Variants in RNF44 observed in about 807,000 individuals in gnomAD.
RNF44 encodes ring finger protein 44.
A neutral mutation model predicts 53.6 loss-of-function variants in RNF44; 25 were observed. The observed-to-expected ratio is 0.47, with a 90% CI of 0.34 to 0.65. The LOEUF (loss-of-function observed/expected upper bound fraction) is 0.65, where lower values mean the gene tolerates loss of function less well. RNF44 is among the 30% of genes least tolerant of loss of function. The pLI is 0.01. For synonymous variants in RNF44, 282 were observed against 252.2 expected, an observed-to-expected ratio of 1.12 and a Z score of -1.12; for missense variants, 581 against 595.5, an observed-to-expected ratio of 0.98 and a Z score of 0.25.
At chr5:176,539,361 C>T (rs969590827), upstream of RNF44, among the ~76,000 whole-genome samples, 2 of 152,258 alleles carry the variant, frequency 1.3e-5, no homozygotes, top group African/African-American at 4.8e-5. Context: ...CTCCTTCAAC[C>T]TTTTGTTTTC....
At chr5:176,535,955 G>C (rs1480283878) in intron 1 of RNF44, 2 of 152,308 alleles carry the variant, frequency 1.3e-5, no homozygotes, top group Admixed American at 6.5e-5. Flanking sequence ...CCACCCATGA[G>C]AGCCGGCCAA....
At chr5:176,532,324 G>T (rs780344092) in intron 2 of RNF44, 42 bp downstream of exon 2, 1 of 1,565,040 alleles carries the variant, frequency 6.4e-7, no homozygotes. Flanking sequence ...ACCCCTGCTG[G>T]CCCCCATGCC....
At chr5:176,541,179 G>A (rs1322900352), upstream of RNF44, among the ~76,000 whole-genome samples, 9 of 152,214 alleles carry the variant, frequency 5.9e-5, no homozygotes, top group Non-Finnish European at 5.9e-5. Flanking sequence ...GGCATCTGCT[G>A]TGAGGTTCTA....
the RNF44 span, chr5:176,543,490 C>G: frequency 6.6e-6 from 1 of 152,028 alleles, no homozygotes; most frequent in African/African-American, 2.4e-5. The surrounding 1 kb of genome is among the most constrained non-coding windows in gnomAD (Gnocchi z 4.0). Context: ...CTGCCTGGAC[C>G]GCACCACGCG....
Position 176,530,128 on chromosome 5 carries a change from G to A in RNF44, c.880C>T (p.Pro294Ser). Residue 294 changes from proline (P) to serine (S), a missense_variant, in exon 7 of 11, where the codon CCC becomes TCC. This residue lies in a region of RNF44 where 183 missense variants were observed against 198.6 expected (regional missense o/e 0.92). Transcript: ENST00000274811. ...LQQPLPPPPP[P>S]PPPPPYYPSF... Reference sequence around the variant, plus strand: ...GGGTAGTAGGGTGGTGGGGGTGGGGGTGGGGGCGGCGGGGGCAGTGGCTGC... The same window carrying A: ...GGGTAGTAGGGTGGTGGGGGTGGGGATGGGGGCGGCGGGGGCAGTGGCTGC... 2 of 1,241,014 alleles carry A rather than the reference G, an allele frequency of 1.6e-6. No homozygotes were observed. Among genetic ancestry groups the A allele is most frequent in the Non-Finnish European group, 2.1e-6 (2 of 969,068 alleles). The allele number at this position is 1,241,014 out of a possible 1,614,324, so 76.9% of individuals were successfully genotyped here. A position where few individuals can be genotyped will look rare whatever the true frequency, so the allele number is the denominator to read the frequency against.
chr5:176,541,989 G>A (rs1476068076), upstream of RNF44, among the ~76,000 whole-genome samples: 2 of 152,212 alleles, frequency 1.3e-5, no homozygotes, highest in African/African-American at 2.4e-5. Context: ...ACTCAGGGCT[G>A]GCCTCAACAG....
Position 176,529,001 on chromosome 5 carries a change from T to C in RNF44, c.*27A>G, listed in dbSNP as rs1756297590. On this transcript the variant is annotated 3_prime_UTR_variant, in exon 11 of 11. Coordinates refer to ENST00000274811, the MANE Select transcript of RNF44 (RefSeq NM_014901.5). Reference sequence around the variant, plus strand: ...CAAGTTTCCAGAGCTTCAGGCAGGGTTCTCCCGGGCAGGCGGCTGCGTGGC... The same window carrying C: ...CAAGTTTCCAGAGCTTCAGGCAGGGCTCTCCCGGGCAGGCGGCTGCGTGGC... 1 of 1,604,664 alleles carries C rather than the reference T, an allele frequency of 6.2e-7. No individual in the cohort carries two copies. Among genetic ancestry groups the C allele is most frequent in the Non-Finnish European group, 8.5e-7 (1 of 1,175,684 alleles).
chr5:176,535,021 A>C (rs1757027862), intron 1 of RNF44, among the ~76,000 whole-genome samples: 2 of 152,150 alleles, frequency 1.3e-5, no homozygotes, highest in Admixed American at 1.3e-4. Flanking sequence ...CTACAAAGGC[A>C]CCCACTCCCC....
In RNF44 at chr5:176,531,856, G is replaced by C. The variant is rs548691700; in HGVS notation, c.297+148C>G. 59 of 955,954 alleles carry C rather than the reference G, an allele frequency of 6.2e-5. No homozygotes were observed. The African/African-American group carries it at 9.3e-4, about 15-fold the overall frequency. The allele number at this position is 955,954 out of a possible 1,614,324, so 59.2% of individuals were successfully genotyped here. On this transcript the variant is annotated intron_variant, in intron 3 of 10. Coordinates refer to ENST00000274811, the MANE Select transcript of RNF44 (RefSeq NM_014901.5). This position sits in a 1 kb window ranked among gnomAD's most constrained non-coding sequence, Gnocchi z 4.2. ...TCACCCAGTGTGGCCCTTTCCCCGG[G>C]CCTCAGTTTACCTACCTGTAAAGCA...
At position 176,530,594 on chromosome 5, in the gene RNF44, C is replaced by T; in HGVS notation, c.789G>A (p.Leu263=). The change falls in exon 6 of 11, where the codon CTG becomes CTA. Residue 263 remains leucine, a synonymous_variant. Transcript: ENST00000274811. Reference sequence around the variant, plus strand: ...GGGTGGCACTCACCACACCAAAGGACAGCTCCTGGTGCAGCGGATCGTGGG... The same window carrying T: ...GGGTGGCACTCACCACACCAAAGGATAGCTCCTGGTGCAGCGGATCGTGGG... ...YLPHDPLHQE[L]SFGVPYSHMM... The T allele has an allele frequency of 1.3e-6, 2 of 1,485,336 alleles. No homozygotes were observed. The highest frequency in any genetic ancestry group is 2.8e-5 in the East Asian group (1 of 35,780). 92.0% of individuals were successfully genotyped at this position (1,485,336 alleles called of 1,614,324 possible). A position where few individuals can be genotyped will look rare whatever the true frequency, so the allele number is the denominator to read the frequency against.
At chr5:176,541,496 T>C (rs1029088929), upstream of RNF44, among the ~76,000 whole-genome samples, 1 of 152,160 alleles carries the variant, frequency 6.6e-6, no homozygotes, top group East Asian at 1.9e-4. Flanking sequence ...GACTAGTGGA[T>C]GGCTCCAGAT....
chr5:176,542,333 G>C (rs531525640), upstream of RNF44, among the ~76,000 whole-genome samples: 2 of 152,154 alleles, frequency 1.3e-5, no homozygotes, highest in East Asian at 3.9e-4. Context: ...GTGAAGCTGG[G>C]TGAAAGCATC....
rs573854860 is a variant in RNF44, at chr5:176,530,637, A to G, written c.746T>C (p.Val249Ala). The G allele has an allele frequency of 5.3e-6, 8 of 1,520,926 alleles. No homozygotes were observed. The South Asian group carries it at 1.0e-4, about 19-fold the overall frequency. The allele number at this position is 1,520,926 out of a possible 1,614,324, so 94.2% of individuals were successfully genotyped here. Residue 249 changes from valine (V) to alanine (A), a missense_variant, in exon 6 of 11, where the codon GTG (valine) becomes GCG (alanine). By Grantham distance (64) the Val-to-Ala change is moderately conservative. Coordinates refer to ENST00000274811, the MANE Select transcript of RNF44 (RefSeq NM_014901.5). ...SAPGPALSPS[V>A]PLHYLPHDPL... ...ATCGTGGGGCAGGTAGTGCAGGGGC[A>G]CCGACGGGGAAAGGGCTGGGCCAGG...
At chr5:176,535,948 C>T (rs1431292405) in intron 1 of RNF44, 1 of 152,304 alleles carries the variant, frequency 6.6e-6, no homozygotes, top group African/African-American at 2.4e-5. Flanking sequence ...CCCACACCCA[C>T]CCATGAGAGC....
chr5:176,530,911 GGGGGGTGGGGCC>G lies in RNF44; in HGVS notation c.564_575del (p.Ala189_Pro192del). On this transcript the variant is annotated inframe_deletion, in exon 5 of 11. Transcript: ENST00000274811. Reference sequence around the variant, plus strand: ...CCAGGGGCGCCATGTGGGTGGGCTGGGGGGGTGGGGCCGGTGGTGGGGGGTGCAGGATGTAGT... The same window carrying G: ...CCAGGGGCGCCATGTGGGTGGGCTGGGGTGGTGGGGGGTGCAGGATGTAGT... 2 of 1,401,824 alleles carry G rather than the reference GGGGGGTGGGGCC, an allele frequency of 1.4e-6. No individual in the cohort carries two copies. Among genetic ancestry groups the G allele is most frequent in the Non-Finnish European group, 1.9e-6 (2 of 1,065,940 alleles). 86.8% of individuals were successfully genotyped at this position (1,401,824 alleles called of 1,614,324 possible).
rs555690547 is a variant in RNF44, at chr5:176,528,695, G to A, written c.*333C>T. 31 of 380,098 alleles carry A rather than the reference G, an allele frequency of 8.2e-5. No individual in the cohort carries two copies. Among genetic ancestry groups the A allele is most frequent in the African/African-American group, 1.7e-4 (8 of 48,134 alleles). The allele number at this position is 380,098 out of a possible 1,614,324, so 23.5% of individuals were successfully genotyped here. A position where few individuals can be genotyped will look rare whatever the true frequency, so the allele number is the denominator to read the frequency against. On this transcript the variant is annotated 3_prime_UTR_variant, in exon 11 of 11. Transcript: ENST00000274811. Reference sequence around the variant, plus strand: ...CATCCTGGGGCCAAGGATCTCCACCGGCCCCACTGAGGGAGCGGACCCCTG... The same window carrying A: ...CATCCTGGGGCCAAGGATCTCCACCAGCCCCACTGAGGGAGCGGACCCCTG...
intron 1 of RNF44, among the ~76,000 whole-genome samples, chr5:176,534,096 T>G (rs1334394022): frequency 6.6e-6 from 1 of 152,208 alleles, no homozygotes; most frequent in Non-Finnish European, 1.5e-5. Context: ...GGAGCCCGCA[T>G]GGGAGACCGG....
At position 176,531,085 on chromosome 5, in the gene RNF44, T is replaced by C; in HGVS notation, c.466-64A>G. On this transcript the variant is annotated intron_variant, in intron 4 of 10. Transcript: ENST00000274811. This position sits in a 1 kb window ranked among gnomAD's most constrained non-coding sequence, Gnocchi z 4.2. ...TGGGCTCTGGGCCAGGTCTACGCCA[T>C]GCCACCCAGCAAAAGGCCCCCACCG... 8.0e-7 allele frequency: 1 copy of C among 1,252,672 alleles called. No homozygotes were observed. The highest frequency in any genetic ancestry group is 1.1e-6 in the Non-Finnish European group (1 of 943,898). 77.6% of individuals were successfully genotyped at this position (1,252,672 alleles called of 1,614,324 possible).
At position 176,529,830 on chromosome 5, in the gene RNF44, C is replaced by T. The variant is rs761876540; in HGVS notation, c.927-12G>A. On this transcript the variant is annotated splice_polypyrimidine_tract_variant and intron_variant, in intron 7 of 10. Transcript: ENST00000274811. ...TTGGCAGCATCGAGCTAGAGAGAGA[C>T]AAGTGTGGGGGCCCAGGGTCAAGGT... 2 of 1,585,430 alleles carry T rather than the reference C, an allele frequency of 1.3e-6. No individual in the cohort carries two copies. The highest frequency in any genetic ancestry group is 1.7e-6 in the Non-Finnish European group (2 of 1,165,972).
Sources: allele counts gnomAD v4.1 joint callset (sites outside exome capture counted in the v4.1 genomes callset), GRCh38; gene constraint gnomAD v4.1.1; regional missense constraint gnomAD v4.1.1; non-coding constraint Gnocchi (gnomAD v3.1); transcripts MANE v1.5; gene names NCBI Gene and HGNC (gene_info 2026-07-23, HGNC 2026-07-21).